Variants in RANBP10 observed in about 807,000 individuals in gnomAD.
RANBP10 encodes the protein ran-binding protein 10.
A neutral mutation model predicts 72.8 loss-of-function variants in RANBP10; 24 were observed. The observed-to-expected ratio is 0.33, with a 90% CI of 0.24 to 0.46. The LOEUF (loss-of-function observed/expected upper bound fraction) is 0.46. Ranked by LOEUF, RANBP10 falls within the 20% of genes least tolerant of loss-of-function variation. The pLI is 1.00. For missense variants in RANBP10, 679 were observed against 817.5 expected, an observed-to-expected ratio of 0.83 and a Z score of 2.07; for synonymous variants, 310 against 322.3, an observed-to-expected ratio of 0.96 and a Z score of 0.41.
intron 3 of RANBP10, among the ~76,000 whole-genome samples, chr16:67,758,130 C>T (rs907406273): frequency 6.6e-6 from 1 of 152,208 alleles, no homozygotes; most frequent in Non-Finnish European, 1.5e-5. Context: ...GAAGTAGATT[C>T]CTGATGGCCA....
rs968491726 is a variant in RANBP10 at position 67,790,100 on chromosome 16, T to TA, written c.347+15327dup. Among the ~76,000 whole-genome samples the TA allele has an allele frequency of 6.1e-4, 84 of 138,348 alleles. 1 individual carries two copies. The highest frequency in any genetic ancestry group is 3.7e-3 in the Middle Eastern group (1 of 272). The allele number at this position is 138,348 out of a possible 152,430, so 90.8% of individuals were successfully genotyped here. A position where few individuals can be genotyped will look rare whatever the true frequency, so the allele number is the denominator to read the frequency against. On this transcript the variant is annotated intron_variant, in intron 2 of 13. Coordinates refer to ENST00000317506, the MANE Select transcript of RANBP10 (RefSeq NM_020850.3). ...GACAGAATGAGACTCTGTCTCAAAT[T>TA]AAAAAAAAAAAAGAAGAAGAAGAAA...
At position 67,793,856 on chromosome 16, in the gene RANBP10, TTTA is replaced by T. The variant is rs2055076691; in HGVS notation, c.347+11569_347+11571del. Among the ~76,000 whole-genome samples the T allele has an allele frequency of 2.0e-5, 3 of 152,048 alleles. 1 individual carries two copies. The South Asian group carries it at 6.2e-4, about 32-fold the overall frequency. The stretch of plus-strand genomic sequence containing the variant: ...CCTGCATCTCTCTATCCCTCTGCTA[TTTA>T]TTTTTATTTTTTATTTTATTTATTT... On this transcript the variant is annotated intron_variant, in intron 2 of 13. Coordinates refer to ENST00000317506, the MANE Select transcript of RANBP10 (RefSeq NM_020850.3).
intron 2 of RANBP10, among the ~76,000 whole-genome samples, chr16:67,804,688 AG>A (rs2055304378): frequency 6.6e-6 from 1 of 151,870 alleles, no homozygotes; most frequent in African/African-American, 2.4e-5. Flanking sequence ...CAGGTATGCC[AG>A]TTAATTTTTT....
At chr16:67,767,454 CAA>C (rs1178049394) in intron 3 of RANBP10, among the ~76,000 whole-genome samples, 8 of 64,070 alleles carry the variant, frequency 1.2e-4, no homozygotes, top group Admixed American at 3.4e-4. Flanking sequence ...GACCCTGTTT[CAA>C]AAAAAAAAAA....
Position 67,729,291 on chromosome 16 carries a change from G to C in RANBP10, c.1341C>G (p.Asn447Lys). Residue 447 changes from asparagine (N) to lysine (K), a missense_variant, in exon 10 of 14, where the codon AAC (asparagine) becomes AAG (lysine). Coordinates refer to ENST00000317506, the MANE Select transcript of RANBP10 (RefSeq NM_020850.3). This position sits in a 1 kb window ranked among gnomAD's most constrained non-coding sequence, Gnocchi z 7.1. ...TKSQHHSSTS[N>K]QETSDSEMEM... is the part of the protein sequence containing the mutation. ...AGCAAGGCAGGCACCTGGTCTCCTG[G>C]TTACTGGTACTGCTGTGGTGCTGGG... 1 of 1,612,442 alleles carries C rather than the reference G, an allele frequency of 6.2e-7. No homozygotes were observed. The highest frequency in any genetic ancestry group is 8.5e-7 in the Non-Finnish European group (1 of 1,179,852).
rs778097696 is a variant in RANBP10, at chr16:67,744,365, G to C, written c.491C>G (p.Thr164Ser). ...ACAGCAGCCGATCACGTCTCCTGTG[G>C]TGAATGTGGGACCATAGGGCTGGCC... ...GTGQPYGPTFTTGDVIGCCVN... is the reference protein window; with the variant it reads ...GTGQPYGPTFSTGDVIGCCVN... Residue 164 changes from threonine to serine, a missense_variant, in exon 4 of 14, where the codon ACC (threonine) becomes AGC (serine). By Grantham distance (58) the Thr-to-Ser change is moderately conservative. Coordinates refer to ENST00000317506, the MANE Select transcript of RANBP10 (RefSeq NM_020850.3). 6.2e-7 allele frequency: 1 copy of C among 1,614,238 alleles called. No individual in the cohort carries two copies. Among genetic ancestry groups the C allele is most frequent in the East Asian group, 2.2e-5 (1 of 44,890 alleles).
chr16:67,756,222 C>T (rs935458803), intron 3 of RANBP10, among the ~76,000 whole-genome samples: 12 of 152,380 alleles, frequency 7.9e-5, no homozygotes, highest in African/African-American at 2.6e-4. Context: ...CCACCCATGC[C>T]ACTACCATCT....
intron 2 of RANBP10, among the ~76,000 whole-genome samples, chr16:67,780,523 A>G (rs1290214792): frequency 6.6e-6 from 1 of 152,170 alleles, no homozygotes. Flanking sequence ...CAAGGCGGGA[A>G]GATCATTGGA....
At chr16:67,765,269 G>A (rs1021034145) in intron 3 of RANBP10, among the ~76,000 whole-genome samples, 1 of 148,230 alleles carries the variant, frequency 6.7e-6, no homozygotes, top group African/African-American at 2.5e-5. Context: ...GCTCACACCT[G>A]TAATCCCAGC....
intron 3 of RANBP10, among the ~76,000 whole-genome samples, chr16:67,765,057 A>G (rs1361314765): frequency 6.6e-6 from 1 of 152,074 alleles, no homozygotes; most frequent in Non-Finnish European, 1.5e-5. Context: ...GCAAACTTAG[A>G]TGGGCATAGT....
At chr16:67,741,042 G>A (rs1217709975) in intron 4 of RANBP10, among the ~76,000 whole-genome samples, 8 of 152,138 alleles carry the variant, frequency 5.3e-5, no homozygotes, top group Admixed American at 3.9e-4. Flanking sequence ...TCCAAGCTCC[G>A]TAAATTATAT....
chr16:67,750,627 C>CCA (rs2054175515), intron 3 of RANBP10, among the ~76,000 whole-genome samples: 1 of 152,178 alleles, frequency 6.6e-6, no homozygotes, highest in African/African-American at 2.4e-5. Context: ...TGTTTATGTG[C>CCA]CACCAGTGAC....
chr16:67,774,613 G>A (rs375021836), intron 2 of RANBP10, among the ~76,000 whole-genome samples: 2 of 152,172 alleles, frequency 1.3e-5, no homozygotes. Context: ...GCCAGAGGAA[G>A]CTGACACCCA....
At chr16:67,803,582 G>A (rs796653140) in intron 2 of RANBP10, among the ~76,000 whole-genome samples, 10 of 150,644 alleles carry the variant, frequency 6.6e-5, no homozygotes, top group African/African-American at 2.0e-4. Flanking sequence ...CCTGGGAGGC[G>A]GAGGTTGTGG....
chr16:67,757,981 G>A (rs2054321192), intron 3 of RANBP10, among the ~76,000 whole-genome samples: 2 of 152,212 alleles, frequency 1.3e-5, no homozygotes, highest in Non-Finnish European at 2.9e-5. Context: ...AGTGGGGCAT[G>A]CCTTCCCATG....
intron 3 of RANBP10, among the ~76,000 whole-genome samples, chr16:67,751,851 G>A (rs913850462): frequency 7.2e-5 from 11 of 151,772 alleles, no homozygotes; most frequent in Non-Finnish European, 1.6e-4. Flanking sequence ...GGGAGGTGGA[G>A]ATTGCAGTGA....
chr16:67,786,447 A>G (rs1197656722), intron 2 of RANBP10, among the ~76,000 whole-genome samples: 1 of 152,236 alleles, frequency 6.6e-6, no homozygotes, highest in Non-Finnish European at 1.5e-5. Flanking sequence ...AAGAATTCCT[A>G]TAACTCAACA....
Position 67,729,522 on chromosome 16 carries a change from C to T in RANBP10, c.1148-38G>A. The T allele has an allele frequency of 6.3e-7, 1 of 1,590,992 alleles. No individual in the cohort carries two copies. The highest frequency in any genetic ancestry group is 8.6e-7 in the Non-Finnish European group (1 of 1,168,750). On this transcript the variant is annotated intron_variant, in intron 9 of 13. Transcript: ENST00000317506. The surrounding 1 kb of genome is among the most constrained non-coding windows in gnomAD (Gnocchi z 7.1). The stretch of plus-strand genomic sequence containing the variant: ...GTGACAGTCAGAAGAGGAGGGGCAG[C>T]TTCCCATGAAATGAAGCCCCAAGAA...
Position 67,726,320 on chromosome 16 carries a change from G to A in RANBP10, c.*108C>T. The stretch of plus-strand genomic sequence containing the variant: ...GGGGAAAGGCCAGGCAGGAGGAGTG[G>A]ACTCTGTCTATGGTTTCCCAGTCCC... On this transcript the variant is annotated 3_prime_UTR_variant, in exon 14 of 14. Coordinates refer to ENST00000317506, the MANE Select transcript of RANBP10 (RefSeq NM_020850.3). The A allele has an allele frequency of 6.6e-7, 1 of 1,517,276 alleles. No homozygotes were observed. Among genetic ancestry groups the A allele is most frequent in the Non-Finnish European group, 9.0e-7 (1 of 1,116,508 alleles). The allele number at this position is 1,517,276 out of a possible 1,614,324, so 94.0% of individuals were successfully genotyped here.
Sources: gnomAD v4.1 joint callset for allele counts (sites outside exome capture counted in the v4.1 genomes callset) on GRCh38, gnomAD v4.1.1 for gene constraint, Gnocchi (gnomAD v3.1) non-coding constraint, MANE v1.5 for transcripts, NCBI Gene and HGNC (gene_info 2026-07-23, HGNC 2026-07-21) for gene names.